The following CBLC variants were observed in gnomAD, a reference collection of about 807,000 sequenced individuals.
CBLC encodes E3 ubiquitin-protein ligase CBL-C.
CBLC carries 46 observed loss-of-function variants against 58.6 expected under a neutral mutation model. The observed-to-expected ratio is 0.79, with a 90% CI of 0.62 to 1.00. The LOEUF (loss-of-function observed/expected upper bound fraction) is 1.00, where lower values mean the gene tolerates loss of function less well. Ranked by LOEUF, CBLC falls within the 50% of genes least tolerant of loss-of-function variation. The pLI is 0.00. For synonymous variants in CBLC, 271 were observed against 264.2 expected (o/e 1.03, Z -0.25); for missense variants, 655 against 625.8 (o/e 1.05, Z -0.50).
Position 44,777,998 on chromosome 19 carries a change from A to G in CBLC, c.67A>G (p.Arg23Gly). ...GGCCCGCGCCCTGGGCCGGGCAGTCAGGATGCTGCAGCGCCTAGAAGAGCA... is the reference window on the plus strand; with the variant it reads ...GGCCCGCGCCCTGGGCCGGGCAGTCGGGATGCTGCAGCGCCTAGAAGAGCA... ...EEARALGRAV[R>G]MLQRLEEQCV... Residue 23 changes from arginine to glycine, a missense_variant, in exon 1 of 11, where the codon AGG becomes GGG. Transcript: ENST00000647358. The G allele has an allele frequency of 6.2e-7, 1 of 1,608,498 alleles. No homozygotes were observed. Among genetic ancestry groups the G allele is most frequent in the South Asian group, 1.1e-5 (1 of 90,996 alleles).
rs61750955 is a variant in CBLC at position 44,793,575 on chromosome 19, A to T, written c.1239A>T (p.Ser413=). The part of the protein sequence containing the change: ...QFHGQATAED[S]GNSSDQEGRE... ...ACGGTCAGGCTACTGCTGAGGACTC[A>T]GGGAACAGCAGTGACCAGGAAGGCA... Residue 413 remains serine, a synonymous_variant, in exon 8 of 11, where the codon TCA becomes TCT. Coordinates refer to ENST00000647358, the MANE Select transcript of CBLC (RefSeq NM_012116.4). 2 of 1,609,068 alleles carry T rather than the reference A, an allele frequency of 1.2e-6. No individual in the cohort carries two copies. The highest frequency in any genetic ancestry group is 1.7e-6 in the Non-Finnish European group (2 of 1,178,478).
intron 9 of CBLC, among the ~76,000 whole-genome samples, chr19:44,797,551 C>T (rs1968202759): frequency 1.3e-5 from 2 of 149,742 alleles, no homozygotes; most frequent in South Asian, 4.3e-4. Context: ...CCTGTCATAA[C>T]TTTTGCTATG....
intron 9 of CBLC, among the ~76,000 whole-genome samples, chr19:44,795,209 G>A (rs1366729005): frequency 1.3e-5 from 2 of 151,118 alleles, no homozygotes; most frequent in Non-Finnish European, 1.5e-5. Flanking sequence ...CCACCGCCTT[G>A]GCCTCCCAAA....
chr19:44,791,630 G>A lies in CBLC; in HGVS notation c.1006-753G>A, dbSNP rs374953050. Among the ~76,000 whole-genome samples the A allele has an allele frequency of 7.9e-5, 12 of 151,788 alleles. No individual in the cohort carries two copies. In the East Asian group the frequency reaches 1.2e-3, roughly 15 times the overall value. On this transcript the variant is annotated intron_variant, in intron 6 of 10. Coordinates refer to ENST00000647358, the MANE Select transcript of CBLC (RefSeq NM_012116.4). ...TGCCTGTAGTCCCAGCTACTCAGGA[G>A]GCTGAGGCACAAGAATCGCTTGAAC...
At chr19:44,792,567 G>C (rs1968083438) in intron 7 of CBLC, 53 bp downstream of exon 7, 1 of 1,491,864 alleles carries the variant, frequency 6.7e-7, no homozygotes, top group Non-Finnish European at 8.9e-7. Flanking sequence ...TCTCTACAGG[G>C]AAAGCCCCAA....
Position 44,784,290 on chromosome 19 carries a change from G to A in CBLC, c.806G>A (p.Arg269His), listed in dbSNP as rs201207715. Reference protein sequence around the residue: ...GSYIFRPSCTRLGQWAIGYVS... With the variant: ...GSYIFRPSCTHLGQWAIGYVS... ...TACATCTTCCGGCCCAGCTGTACTC[G>A]CCTGGGGCAGTGGGCCATCGGCTAT... Residue 269 changes from arginine (R) to histidine (H), a missense_variant, in exon 5 of 11, where the codon CGC becomes CAC. Physicochemically the swap from Arg to His is conservative, Grantham distance 29. This residue lies in a region of CBLC where 371 missense variants were observed against 370.8 expected (regional missense o/e 1.00). Coordinates refer to ENST00000647358, the MANE Select transcript of CBLC (RefSeq NM_012116.4). 29 of 1,589,414 alleles carry A rather than the reference G, an allele frequency of 1.8e-5. No homozygotes were observed. The highest frequency in any genetic ancestry group is 1.6e-4 in the East Asian group (7 of 44,298).
chr19:44,798,339 T>C (rs1968220907), intron 9 of CBLC, among the ~76,000 whole-genome samples: 2 of 152,082 alleles, frequency 1.3e-5, no homozygotes, highest in African/African-American at 4.8e-5. Flanking sequence ...TCGTCTAGCC[T>C]CCCCATGAGT....
rs563401477 is a variant in CBLC at position 44,780,619 on chromosome 19, G to C, written c.354-286G>C. On this transcript the variant is annotated intron_variant, in intron 1 of 10. Transcript: ENST00000647358. ...TCCTGAGTAGCTGGGATTATAGGCGGGCGCCACCACGCCAGGCTAATTTTT... is the reference window on the plus strand; with the variant it reads ...TCCTGAGTAGCTGGGATTATAGGCGCGCGCCACCACGCCAGGCTAATTTTT... Among the ~76,000 whole-genome samples the C allele has an allele frequency of 1.5e-3, 221 of 150,096 alleles. 1 individual carries two copies. Among genetic ancestry groups the C allele is most frequent in the East Asian group, 0.013 (66 of 5,044 alleles).
intron 3 of CBLC, 90 bp downstream of exon 3, chr19:44,781,453 G>T: frequency 4.5e-6 from 6 of 1,324,346 alleles, no homozygotes; most frequent in South Asian, 1.3e-5. Context: ...GGGAGGAAGG[G>T]CCGGGACCTG....
chr19:44,790,113 G>A (rs1160911101), intron 6 of CBLC, 22 bp downstream of exon 6: 15 of 1,589,972 alleles, frequency 9.4e-6, no homozygotes, highest in Non-Finnish European at 1.2e-5. Context: ...ACCTGCACCC[G>A]CAGTCCCAGT....
At chr19:44,787,456 T>A (rs190468980) in intron 5 of CBLC, among the ~76,000 whole-genome samples, 75 of 152,056 alleles carry the variant, frequency 4.9e-4, no homozygotes, top group Non-Finnish European at 1.9e-4. Context: ...TGGGTGTTTA[T>A]GCACAGAGGA....
rs1409997811 is a variant in CBLC, at chr19:44,800,555, C to T, written c.*12C>T. On this transcript the variant is annotated 3_prime_UTR_variant, in exon 11 of 11. Coordinates refer to ENST00000647358, the MANE Select transcript of CBLC (RefSeq NM_012116.4). ...CACCCCTCTCTCCGCCTACAGGGCA[C>T]CCAGATGTGCTGCTCAAGGGAGCCC... is the stretch of plus-strand genomic sequence containing the variant. 6 of 674,044 alleles carry T rather than the reference C, an allele frequency of 8.9e-6. No individual in the cohort carries two copies. Among genetic ancestry groups the T allele is most frequent in the African/African-American group, 3.6e-5 (2 of 55,386 alleles). 41.8% of individuals were successfully genotyped at this position (674,044 alleles called of 1,614,324 possible).
chr19:44,785,824 A>G (rs953226604), intron 5 of CBLC, among the ~76,000 whole-genome samples: 3 of 151,848 alleles, frequency 2.0e-5, no homozygotes, highest in Admixed American at 1.3e-4. Context: ...TGTAATCCCA[A>G]CTACTCCAGA....
Position 44,793,592 on chromosome 19 carries a change from AG to A in CBLC, c.1258del (p.Glu420LysfsTer35). On this transcript the variant is annotated frameshift_variant, in exon 8 of 11. Coordinates refer to ENST00000647358, the MANE Select transcript of CBLC (RefSeq NM_012116.4). LOFTEE classifies it high-confidence loss of function. Reference protein sequence around the residue: ...TAEDSGNSSDQEGRELELGQV... With the variant: ...TAEDSGNSSDXEGRELELGQV... ...GAGGACTCAGGGAACAGCAGTGACC[AG>A]GAAGGCAGGGAGTTGGAGCTGGGGC... The A allele has an allele frequency of 6.2e-7, 1 of 1,604,948 alleles. No homozygotes were observed.
intron 3 of CBLC, among the ~76,000 whole-genome samples, chr19:44,781,820 G>A (rs1967751591): frequency 7.1e-6 from 1 of 140,872 alleles, no homozygotes; most frequent in South Asian, 2.3e-4. Context: ...GGGAGGAGGG[G>A]GTGAGGGCCC....
intron 5 of CBLC, among the ~76,000 whole-genome samples, chr19:44,785,789 T>A (rs1031096395): frequency 1.3e-5 from 2 of 151,786 alleles, no homozygotes; most frequent in Non-Finnish European, 2.9e-5. Context: ...TTAAAAAAAA[T>A]TAGCTGGGTG....
chr19:44,778,760 T>C (rs1809336), intron 1 of CBLC, among the ~76,000 whole-genome samples: 8 of 41,742 alleles, frequency 1.9e-4, no homozygotes, highest in East Asian at 7.2e-4. Flanking sequence ...TCCCTCAGAC[T>C]CAGGGGTCCA....
chr19:44,783,367 A>C (rs1191684506), intron 4 of CBLC, among the ~76,000 whole-genome samples: 1 of 152,082 alleles, frequency 6.6e-6, no homozygotes, highest in African/African-American at 2.4e-5. Context: ...AATTTAGCCA[A>C]GCGTGGTGGC....
chr19:44,793,680 T>A (rs1220137190), intron 8 of CBLC, 60 bp downstream of exon 8: 4 of 1,489,722 alleles, frequency 2.7e-6, no homozygotes, highest in African/African-American at 1.4e-5. Context: ...GGGGAGGGAC[T>A]GGAGCCTGGA....
Sources: allele counts gnomAD v4.1 joint callset (sites outside exome capture counted in the v4.1 genomes callset), GRCh38; gene constraint gnomAD v4.1.1; regional missense constraint gnomAD v4.1.1; transcripts MANE v1.5; gene names NCBI Gene and HGNC (gene_info 2026-07-23, HGNC 2026-07-21).